The following OR10J1 variants were observed in gnomAD, a reference collection of about 807,000 sequenced individuals.
The protein encoded by OR10J1 is olfactory receptor family 10 subfamily J member 1.
For missense variants in OR10J1, 474 were observed against 376.6 expected, an observed-to-expected ratio of 1.26 and a Z score of -2.14; for synonymous variants, 202 against 143.8, an observed-to-expected ratio of 1.40 and a Z score of -2.89.
At chr1:159,415,913 T>G in the OR10J1 span, among the ~76,000 whole-genome samples, 1 of 149,578 alleles carries the variant, frequency 6.7e-6, no homozygotes, top group African/African-American at 2.4e-5. Context: ...TTTGTTAAAT[T>G]TATTCCTAGT....
the OR10J1 span, chr1:159,432,322 T>C: frequency 1.0e-5 from 4 of 401,272 alleles, no homozygotes; most frequent in Non-Finnish European, 1.8e-5. Context: ...GTTTTGACCC[T>C]TGCCAGCAAT....
the OR10J1 span, among the ~76,000 whole-genome samples, chr1:159,422,543 G>A: frequency 6.6e-6 from 1 of 152,162 alleles, no homozygotes; most frequent in East Asian, 1.9e-4. Context: ...CCCAGGAGTA[G>A]CAGCGGTAGG....
At chr1:159,398,026 C>T in the OR10J1 span, among the ~76,000 whole-genome samples, 5 of 152,290 alleles carry the variant, frequency 3.3e-5, no homozygotes, top group African/African-American at 1.2e-4. Flanking sequence ...ACTACACCCC[C>T]AGCTGTAGGT....
At chr1:159,437,280 C>A (rs1057324990), upstream of OR10J1, among the ~76,000 whole-genome samples, 8 of 152,074 alleles carry the variant, frequency 5.3e-5, no homozygotes, top group Non-Finnish European at 1.2e-4. Context: ...TGCCACAGGG[C>A]AAGGACAGGC....
chr1:159,409,530 G>A, the OR10J1 span, among the ~76,000 whole-genome samples: 2 of 151,986 alleles, frequency 1.3e-5, no homozygotes, highest in Non-Finnish European at 2.9e-5. Context: ...CCAACCAGCT[G>A]CAAAGAGATT....
the OR10J1 span, among the ~76,000 whole-genome samples, chr1:159,415,817 AACGAGAC>A: frequency 6.6e-6 from 1 of 152,020 alleles, no homozygotes; most frequent in Non-Finnish European, 1.5e-5. Flanking sequence ...TTAATTTATG[AACGAGAC>A]ATCTTTTCAT....
chr1:159,419,552 A>G, the OR10J1 span, among the ~76,000 whole-genome samples: 1 of 152,164 alleles, frequency 6.6e-6, no homozygotes. Context: ...TTTATAAATT[A>G]CCCAGTCTCA....
chr1:159,432,095 C>T, the OR10J1 span: 1 of 399,094 alleles, frequency 2.5e-6, no homozygotes, highest in Non-Finnish European at 4.4e-6. Flanking sequence ...GAGCTACATG[C>T]CATTTCAGTG....
At chr1:159,416,050 T>G in the OR10J1 span, among the ~76,000 whole-genome samples, 5 of 152,074 alleles carry the variant, frequency 3.3e-5, no homozygotes, top group South Asian at 1.0e-3. Flanking sequence ...ACAACTTTAC[T>G]AAATTTATTT....
At chr1:159,397,640 G>T in the OR10J1 span, among the ~76,000 whole-genome samples, 88 of 152,134 alleles carry the variant, frequency 5.8e-4, no homozygotes, top group African/African-American at 2.1e-3. Context: ...TGGGCGGTGG[G>T]GGCTATGGGG....
the OR10J1 span, among the ~76,000 whole-genome samples, chr1:159,400,473 A>G: frequency 6.6e-6 from 1 of 151,544 alleles, no homozygotes; most frequent in Non-Finnish European, 1.5e-5. Context: ...ATAAGAAAAG[A>G]CAAAGAGTGT....
At chr1:159,414,005 T>C in the OR10J1 span, among the ~76,000 whole-genome samples, 4 of 152,058 alleles carry the variant, frequency 2.6e-5, no homozygotes, top group African/African-American at 9.6e-5. Context: ...TACATGTGAG[T>C]ATTTGTTACA....
upstream of OR10J1, among the ~76,000 whole-genome samples, chr1:159,434,905 C>T (rs1019316483): frequency 6.6e-6 from 1 of 152,132 alleles, no homozygotes; most frequent in Non-Finnish European, 1.5e-5. Flanking sequence ...GGACACAGAG[C>T]CCTAGCTTTA....
At chr1:159,402,192 C>G in the OR10J1 span, among the ~76,000 whole-genome samples, 1 of 151,990 alleles carries the variant, frequency 6.6e-6, no homozygotes, top group Non-Finnish European at 1.5e-5. Flanking sequence ...CCTGTAAGAT[C>G]TGCAACACAA....
At chr1:159,430,677 G>GCGCGCA in the OR10J1 span, among the ~76,000 whole-genome samples, 1 of 151,532 alleles carries the variant, frequency 6.6e-6, no homozygotes, top group African/African-American at 2.4e-5. Flanking sequence ...GTGCGCGCGC[G>GCGCGCA]CACATGTTTG....
the OR10J1 span, among the ~76,000 whole-genome samples, chr1:159,429,389 G>C: frequency 6.6e-6 from 1 of 152,200 alleles, no homozygotes; most frequent in Admixed American, 6.5e-5. Context: ...TTAGGACAGA[G>C]AGACCCTGGA....
At chr1:159,439,668 A>G (rs1306343479), upstream of OR10J1, 6 of 1,185,188 alleles carry the variant, frequency 5.1e-6, no homozygotes, top group Non-Finnish European at 7.3e-6. Flanking sequence ...CCACTAGGAA[A>G]TACATCACCA....
At chr1:159,439,347 T>C (rs1655834097), upstream of OR10J1, among the ~76,000 whole-genome samples, 1 of 152,188 alleles carries the variant, frequency 6.6e-6, no homozygotes, top group African/African-American at 2.4e-5. Context: ...GCTAAGTGTT[T>C]GTATGAGGTG....
the OR10J1 span, among the ~76,000 whole-genome samples, chr1:159,429,403 TGA>T: frequency 6.6e-6 from 1 of 152,168 alleles, no homozygotes; most frequent in East Asian, 1.9e-4. Flanking sequence ...CCCTGGAGTG[TGA>T]GTGATTTGTC....
Sources: allele counts gnomAD v4.1 joint callset (sites outside exome capture counted in the v4.1 genomes callset), GRCh38; gene constraint gnomAD v4.1.1; transcripts MANE v1.5; gene names NCBI Gene and HGNC (gene_info 2026-07-23, HGNC 2026-07-21).